LRRN1: variants seen among roughly 807,000 people sequenced by gnomAD.
LRRN1 encodes leucine rich repeat neuronal 1.
LRRN1 carries 14 observed loss-of-function variants against 45.8 expected under a neutral mutation model. That is an observed-to-expected ratio of 0.31 (90% confidence interval 0.20 to 0.48). The LOEUF (loss-of-function observed/expected upper bound fraction) is 0.48, where lower values mean the gene tolerates loss of function less well. Ranked by LOEUF, LRRN1 falls within the 20% of genes least tolerant of loss-of-function variation. LRRN1 has a pLI of 0.99. For synonymous variants in LRRN1, 359 were observed against 330.1 expected (o/e 1.09, Z -0.95); for missense variants, 789 against 874.2 (o/e 0.90, Z 1.23).
At chr3:3,807,584 C>T (rs1006371955) in intron 1 of LRRN1, among the ~76,000 whole-genome samples, 1 of 152,114 alleles carries the variant, frequency 6.6e-6, no homozygotes, top group African/African-American at 2.4e-5. Context: ...TTTCTGGTTT[C>T]TCTGGGATAA....
intron 1 of LRRN1, among the ~76,000 whole-genome samples, chr3:3,826,185 CAATTT>C (rs1212283821): frequency 6.6e-6 from 1 of 151,838 alleles, no homozygotes; most frequent in Non-Finnish European, 1.5e-5. Flanking sequence ...CCCTCCAAAA[CAATTT>C]AATAACACAA....
chr3:3,845,777 T>C lies in LRRN1; in HGVS notation c.1136T>C (p.Ile379Thr). The change falls in exon 2 of 2, where the codon ATC becomes ACC. Residue 379 changes from isoleucine (I) to threonine (T), a missense_variant. Transcript: ENST00000319331. The surrounding 1 kb of genome is among the most constrained non-coding windows in gnomAD (Gnocchi z 6.5). ...HSNPLRCDCVIHWINSNKTNI... is the reference protein window; with the variant it reads ...HSNPLRCDCVTHWINSNKTNI... Reference sequence around the variant, plus strand: ...AATCCCCTCAGGTGTGACTGTGTGATCCACTGGATTAACTCCAACAAAACC... The same window carrying C: ...AATCCCCTCAGGTGTGACTGTGTGACCCACTGGATTAACTCCAACAAAACC... The C allele has an allele frequency of 6.2e-7, 1 of 1,614,078 alleles. No homozygotes were observed. Among genetic ancestry groups the C allele is most frequent in the Non-Finnish European group, 8.5e-7 (1 of 1,180,016 alleles).
intron 1 of LRRN1, 36 bp from the exon 2 acceptor site, chr3:3,844,328 G>A: frequency 4.0e-6 from 1 of 248,830 alleles, no homozygotes; most frequent in Non-Finnish European, 7.7e-6. Flanking sequence ...AAAGTATATG[G>A]AATAAGCATA....
Position 3,844,640 on chromosome 3 carries a change from G to A in LRRN1, c.-2G>A, listed in dbSNP as rs749975769. On this transcript the variant is annotated 5_prime_UTR_variant, in exon 2 of 2. Coordinates refer to ENST00000319331, the MANE Select transcript of LRRN1 (RefSeq NM_020873.7). ...GGAGTTGAGCTTGCTCAGCAAGCCA[G>A]CATGGCTAGGATGAGCTTTGTTATA... 2.7e-5 allele frequency: 43 copies of A among 1,604,954 alleles called. No homozygotes were observed. Among genetic ancestry groups the A allele is most frequent in the Non-Finnish European group, 3.3e-5 (39 of 1,174,238 alleles).
At chr3:3,824,834 G>T (rs895658489) in intron 1 of LRRN1, among the ~76,000 whole-genome samples, 19 of 152,186 alleles carry the variant, frequency 1.2e-4, no homozygotes, top group African/African-American at 4.6e-4. Flanking sequence ...CAGGGTGCTT[G>T]GAGAGTGGAG....
chr3:3,835,765 A>G (rs188400480), intron 1 of LRRN1, among the ~76,000 whole-genome samples: 7 of 152,230 alleles, frequency 4.6e-5, no homozygotes, highest in African/African-American at 4.8e-5. Context: ...CTATGGGGAA[A>G]GTGAGAGTCT....
intron 1 of LRRN1, among the ~76,000 whole-genome samples, chr3:3,806,994 CAG>C (rs1343599360): frequency 6.6e-6 from 1 of 152,222 alleles, no homozygotes; most frequent in Non-Finnish European, 1.5e-5. Flanking sequence ...GTCTTCCACT[CAG>C]ATGGTAGCAG....
At chr3:3,830,496 G>C (rs1693343655) in intron 1 of LRRN1, among the ~76,000 whole-genome samples, 1 of 152,216 alleles carries the variant, frequency 6.6e-6, no homozygotes, top group South Asian at 2.1e-4. Context: ...AGGGGCTGTA[G>C]TGCTGCAGCT....
At chr3:3,820,133 T>C (rs955823222) in intron 1 of LRRN1, among the ~76,000 whole-genome samples, 7 of 152,204 alleles carry the variant, frequency 4.6e-5, no homozygotes, top group Non-Finnish European at 8.8e-5. Flanking sequence ...CTCACAATAA[T>C]ATTAATTTGC....
At chr3:3,840,840 A>G (rs1162016382) in intron 1 of LRRN1, among the ~76,000 whole-genome samples, 2 of 152,194 alleles carry the variant, frequency 1.3e-5, no homozygotes, top group African/African-American at 4.8e-5. Context: ...GTTATCTCAA[A>G]TCATATAATT....
intron 1 of LRRN1, among the ~76,000 whole-genome samples, chr3:3,823,458 G>T (rs1451570058): frequency 6.6e-6 from 1 of 151,968 alleles, no homozygotes. Context: ...ATAATTTTCA[G>T]GAGATTGTTT....
chr3:3,810,446 A>G (rs943897514), intron 1 of LRRN1, among the ~76,000 whole-genome samples: 6 of 152,240 alleles, frequency 3.9e-5, no homozygotes, highest in African/African-American at 1.4e-4. Flanking sequence ...TCGTCATCAT[A>G]CAATATCATC....
intron 1 of LRRN1, among the ~76,000 whole-genome samples, chr3:3,832,180 G>A (rs1033230139): frequency 3.9e-5 from 6 of 152,214 alleles, no homozygotes; most frequent in Admixed American, 1.3e-4. Flanking sequence ...CTACCCCTCC[G>A]TCTTTCAAGT....
rs569723311 is a variant in LRRN1 at position 3,807,320 on chromosome 3, G to A, written c.-279+7401G>A. On this transcript the variant is annotated intron_variant, in intron 1 of 1. Coordinates refer to ENST00000319331, the MANE Select transcript of LRRN1 (RefSeq NM_020873.7). ...CCAGAACATGTGGGAAGAATGGACT[G>A]CCTAGAATAGATGTTATAGTGGTAT... Among the ~76,000 whole-genome samples the A allele has an allele frequency of 1.2e-3, 183 of 152,296 alleles. 1 individual carries two copies. Among genetic ancestry groups the A allele is most frequent in the African/African-American group, 4.0e-3 (167 of 41,558 alleles).
rs1004942055 is a variant in LRRN1 at position 3,844,455 on chromosome 3, A to G, written c.-187A>G. The G allele has an allele frequency of 3.5e-6, 2 of 564,276 alleles. No homozygotes were observed. The highest frequency in any genetic ancestry group is 6.2e-6 in the Non-Finnish European group (2 of 320,712). The allele number at this position is 564,276 out of a possible 1,614,324, so 35.0% of individuals were successfully genotyped here. On this transcript the variant is annotated 5_prime_UTR_variant, in exon 2 of 2. Coordinates refer to ENST00000319331, the MANE Select transcript of LRRN1 (RefSeq NM_020873.7). ...TGAGAGACACAGTTAAAAGACTCCA[A>G]GTTGCTTTCTGCCTTTTGAAAACTC...
intron 1 of LRRN1, among the ~76,000 whole-genome samples, chr3:3,833,473 C>T (rs540161188): frequency 6.6e-6 from 1 of 152,284 alleles, no homozygotes; most frequent in African/African-American, 2.4e-5. Flanking sequence ...TATCCCATAC[C>T]CTTAATATCC....
chr3:3,806,489 T>G (rs946867446), intron 1 of LRRN1, among the ~76,000 whole-genome samples: 1 of 152,172 alleles, frequency 6.6e-6, no homozygotes, highest in Non-Finnish European at 1.5e-5. Context: ...TGAGAGAGGG[T>G]AGACTCCTTA....
intron 1 of LRRN1, among the ~76,000 whole-genome samples, chr3:3,826,975 A>G (rs1020529509): frequency 2.6e-5 from 4 of 152,234 alleles, no homozygotes; most frequent in Admixed American, 1.3e-4. Flanking sequence ...ATCATACCAC[A>G]AAAGGCATTC....
At chr3:3,804,286 C>T (rs10510276) in intron 1 of LRRN1, 4 of 151,884 alleles carry the variant, frequency 2.6e-5, no homozygotes, top group Non-Finnish European at 5.9e-5. Context: ...GGGAGAATAA[C>T]GCTGGAAGGA....
Sources: allele counts gnomAD v4.1 joint callset (sites outside exome capture counted in the v4.1 genomes callset), GRCh38; gene constraint gnomAD v4.1.1; non-coding constraint Gnocchi (gnomAD v3.1); transcripts MANE v1.5; gene names NCBI Gene and HGNC (gene_info 2026-07-23, HGNC 2026-07-21).